The following MACROD2 variants were observed in gnomAD, a reference collection of about 807,000 sequenced individuals.
MACROD2 encodes the protein mono-ADP ribosylhydrolase 2.
Under a neutral mutation model 70.4 loss-of-function variants are expected in MACROD2, and 36 were observed. That is an observed-to-expected ratio of 0.51 (90% CI 0.39 to 0.68). MACROD2 has a LOEUF of 0.68. Among genes scored for constraint, MACROD2 ranks in the 30% least tolerant of loss-of-function variants. The probability of loss-of-function intolerance (pLI) is 0.00; values close to 1 mark genes in which losing one functional copy is unlikely to be tolerated. For synonymous variants in MACROD2, 172 were observed against 178.8 expected (o/e 0.96, Z 0.30); for missense variants, 496 against 538.4 (o/e 0.92, Z 0.78).
rs79021659 is a variant in MACROD2 at position 14,330,599 on chromosome 20, G to A, written c.272-162880G>A. ...CAACATGGTCATAGGCTATATTAACGGAAGAAAAGTGAAAACAATTACAGA... is the reference window on the plus strand; with the variant it reads ...CAACATGGTCATAGGCTATATTAACAGAAGAAAAGTGAAAACAATTACAGA... On this transcript the variant is annotated intron_variant, in intron 3 of 17. Coordinates refer to ENST00000684519, the MANE Select transcript of MACROD2 (RefSeq NM_001351661.2). Among the ~76,000 whole-genome samples the A allele has an allele frequency of 9.4e-3, 1,434 of 152,096 alleles. 8 individuals carry two copies. Among genetic ancestry groups the A allele is most frequent in the Middle Eastern group, 0.02 (6 of 294 alleles).
intron 5 of MACROD2, among the ~76,000 whole-genome samples, chr20:14,847,485 G>GTTT (rs34778387): frequency 8.2e-6 from 1 of 121,450 alleles, no homozygotes; most frequent in Admixed American, 8.3e-5. Flanking sequence ...AGTGTTGCCT[G>GTTT]TTTTTTTTTT....
intron 5 of MACROD2, among the ~76,000 whole-genome samples, chr20:14,899,020 C>T (rs550718221): frequency 6.6e-6 from 1 of 152,236 alleles, no homozygotes; most frequent in African/African-American, 2.4e-5. Context: ...CAAATAATGC[C>T]ATTGTCAACA....
intron 8 of MACROD2, among the ~76,000 whole-genome samples, chr20:15,535,031 A>T (rs1457016719): frequency 6.6e-6 from 1 of 152,156 alleles, no homozygotes; most frequent in Non-Finnish European, 1.5e-5. Context: ...GCTGAAATAC[A>T]GTGGTGTGGT....
intron 1 of MACROD2, among the ~76,000 whole-genome samples, chr20:13,998,540 T>C (rs980538757): frequency 6.6e-6 from 1 of 152,206 alleles, no homozygotes; most frequent in African/African-American, 2.4e-5. Context: ...TGCTTTGGCA[T>C]ACTGCTAATC....
At chr20:14,935,944 A>G (rs933194468) in intron 5 of MACROD2, among the ~76,000 whole-genome samples, 1 of 152,158 alleles carries the variant, frequency 6.6e-6, no homozygotes, top group African/African-American at 2.4e-5. Flanking sequence ...CTATTCACCC[A>G]TCCTTCCTTC....
intron 4 of MACROD2, among the ~76,000 whole-genome samples, chr20:14,611,722 A>G (rs1428540319): frequency 1.3e-5 from 2 of 152,006 alleles, no homozygotes; most frequent in Non-Finnish European, 2.9e-5. Flanking sequence ...TTCTTGGTAA[A>G]TCTGTGTAGG....
At chr20:14,006,179 T>G (rs962777355) in intron 2 of MACROD2, among the ~76,000 whole-genome samples, 5 of 152,322 alleles carry the variant, frequency 3.3e-5, no homozygotes, top group African/African-American at 1.2e-4. Flanking sequence ...AATCTAGGTG[T>G]GTATAGACTG....
At chr20:15,135,820 T>C (rs1256877992) in intron 5 of MACROD2, among the ~76,000 whole-genome samples, 6 of 145,534 alleles carry the variant, frequency 4.1e-5, no homozygotes, top group African/African-American at 1.3e-4. Context: ...AAAACCCCAT[T>C]GTCTCAGCCC....
chr20:14,074,370 A>G (rs897081898), intron 2 of MACROD2, among the ~76,000 whole-genome samples: 29 of 152,296 alleles, frequency 1.9e-4, no homozygotes, highest in African/African-American at 7.0e-4. Context: ...TCTCTCATCC[A>G]GGACTCAGCT....
intron 5 of MACROD2, among the ~76,000 whole-genome samples, chr20:14,778,994 A>T (rs780538058): frequency 6.6e-6 from 1 of 152,156 alleles, no homozygotes; most frequent in Non-Finnish European, 1.5e-5. Context: ...AAGTTATTGT[A>T]ATCTCACAGA....
In MACROD2 at chr20:15,768,730, T is replaced by C. The variant is rs557282490; in HGVS notation, c.646-94015T>C. On this transcript the variant is annotated intron_variant, in intron 8 of 17. Transcript: ENST00000684519. ...TCATACAATTTAAAACACAAACACA[T>C]TGTACAGCTATACAAAAATATTTTA... 7.9e-5 allele frequency among the ~76,000 whole-genome samples: 12 copies of C among 152,364 alleles called. No individual in the cohort carries two copies. The East Asian group carries it at 2.3e-3, about 29-fold the overall frequency.
At chr20:14,464,693 A>C (rs953680791) in intron 3 of MACROD2, among the ~76,000 whole-genome samples, 9 of 151,104 alleles carry the variant, frequency 6.0e-5, no homozygotes, top group Non-Finnish European at 1.0e-4. Flanking sequence ...TTTCCATCTA[A>C]ACACTGCTTT....
intron 8 of MACROD2, among the ~76,000 whole-genome samples, chr20:15,540,807 C>T (rs1461155643): frequency 6.6e-6 from 1 of 152,066 alleles, no homozygotes; most frequent in Non-Finnish European, 1.5e-5. Context: ...GACAGTCTTT[C>T]ATATCCCTTC....
chr20:14,004,727 A>G (rs188011235), intron 2 of MACROD2, among the ~76,000 whole-genome samples: 78 of 152,248 alleles, frequency 5.1e-4, no homozygotes, highest in African/African-American at 1.8e-3. Context: ...TATATTTGAA[A>G]CGTTTTAAGT....
At chr20:15,200,414 T>C (rs2076646004) in intron 5 of MACROD2, among the ~76,000 whole-genome samples, 2 of 152,216 alleles carry the variant, frequency 1.3e-5, no homozygotes, top group Admixed American at 6.5e-5. Context: ...TGAGAAAAGA[T>C]CAAATCACTG....
intron 10 of MACROD2, among the ~76,000 whole-genome samples, chr20:15,899,693 C>G (rs2065035884): frequency 6.6e-6 from 1 of 152,212 alleles, no homozygotes; most frequent in African/African-American, 2.4e-5. Flanking sequence ...CACTTTGACT[C>G]TTGCTCCACA....
chr20:14,537,562 TG>T (rs2085380980), intron 4 of MACROD2, among the ~76,000 whole-genome samples: 1 of 152,078 alleles, frequency 6.6e-6, no homozygotes, highest in Non-Finnish European at 1.5e-5. Flanking sequence ...GTTGGGGAGC[TG>T]TTGGTGTGTA....
intron 3 of MACROD2, among the ~76,000 whole-genome samples, chr20:14,149,637 A>T (rs937250010): frequency 6.6e-6 from 1 of 152,160 alleles, no homozygotes; most frequent in East Asian, 1.9e-4. Flanking sequence ...CCATAGCCTT[A>T]TAGCCAATGT....
At position 14,027,338 on chromosome 20, in the gene MACROD2, T is replaced by G. The variant is rs1203776663; in HGVS notation, c.163+24934T>G. The stretch of plus-strand genomic sequence containing the variant: ...TCATTTCTGTTTTTCTCTAAACTGG[T>G]TATTCTAGTTAGCAATTCCTCTAAC... On this transcript the variant is annotated intron_variant, in intron 2 of 17. Transcript: ENST00000684519. Among the ~76,000 whole-genome samples the G allele has an allele frequency of 8.6e-5, 13 of 150,890 alleles. 1 individual carries two copies. Among genetic ancestry groups the G allele is most frequent in the Admixed American group, 5.3e-4 (8 of 15,216 alleles).
Sources: gnomAD v4.1 joint callset for allele counts (sites outside exome capture counted in the v4.1 genomes callset) on GRCh38, gnomAD v4.1.1 for gene constraint, MANE v1.5 for transcripts, NCBI Gene and HGNC (gene_info 2026-07-23, HGNC 2026-07-21) for gene names.